Variants in AFG2B observed in about 807,000 individuals in gnomAD.
The protein encoded by AFG2B is ATPase family gene 2 protein homolog B.
At chr15:45,402,363 G>A in the AFG2B span, 5 of 1,550,296 alleles carry the variant, frequency 3.2e-6, no homozygotes, top group South Asian at 1.2e-5. Context: ...CGAGCTCGGT[G>A]TTCCGCTTTT....
At chr15:45,415,535 A>G in the AFG2B span, 1 of 1,449,262 alleles carries the variant, frequency 6.9e-7, no homozygotes, top group Non-Finnish European at 9.5e-7. Context: ...TAGTAATATC[A>G]CATGACTAAT....
At chr15:45,418,383 A>G in the AFG2B span, among the ~76,000 whole-genome samples, 3 of 150,006 alleles carry the variant, frequency 2.0e-5, no homozygotes, top group South Asian at 6.4e-4. Flanking sequence ...GTTTTTTATG[A>G]TGTCGTTATT....
At chr15:45,403,609 G>T in the AFG2B span, 16 of 1,526,640 alleles carry the variant, frequency 1.0e-5, no homozygotes, top group Non-Finnish European at 1.3e-5. Flanking sequence ...TGCCTCTTAG[G>T]TTTGAGCATC....
the AFG2B span, chr15:45,414,551 C>T: frequency 1.9e-6 from 3 of 1,608,316 alleles, no homozygotes; most frequent in South Asian, 2.2e-5. Context: ...AACAACTCTT[C>T]TCTTTTTGTG....
At chr15:45,411,328 T>A in the AFG2B span, among the ~76,000 whole-genome samples, 1 of 152,072 alleles carries the variant, frequency 6.6e-6, no homozygotes, top group Non-Finnish European at 1.5e-5. Context: ...TTTAAAAAAA[T>A]TATTTTGACA....
chr15:45,411,474 C>T, the AFG2B span, among the ~76,000 whole-genome samples: 1 of 152,110 alleles, frequency 6.6e-6, no homozygotes, highest in Non-Finnish European at 1.5e-5. Flanking sequence ...CATACCACCA[C>T]GCCTGGCTAA....
the AFG2B span, chr15:45,415,889 G>A: frequency 1.0e-6 from 1 of 995,280 alleles, no homozygotes; most frequent in Non-Finnish European, 1.4e-6. Flanking sequence ...TACCTATGCT[G>A]AATTCATCTC....
chr15:45,405,756 C>T, the AFG2B span, among the ~76,000 whole-genome samples: 3 of 152,212 alleles, frequency 2.0e-5, no homozygotes, highest in South Asian at 6.2e-4. Flanking sequence ...AGTGCTGAAG[C>T]CCAGAGCAGC....
chr15:45,409,953 C>T, the AFG2B span, among the ~76,000 whole-genome samples: 1 of 152,036 alleles, frequency 6.6e-6, no homozygotes, highest in Non-Finnish European at 1.5e-5. Flanking sequence ...GATGACCTAA[C>T]GTTTGTCAGA....
chr15:45,408,536 G>A, the AFG2B span, among the ~76,000 whole-genome samples: 1 of 152,328 alleles, frequency 6.6e-6, no homozygotes, highest in South Asian at 2.1e-4. Flanking sequence ...ACAGTATGGT[G>A]ATGTATAGTG....
At chr15:45,412,683 A>C in the AFG2B span, among the ~76,000 whole-genome samples, 1 of 152,128 alleles carries the variant, frequency 6.6e-6, no homozygotes, top group Non-Finnish European at 1.5e-5. Flanking sequence ...GGCTGTACCA[A>C]ATAAAGGTGG....
the AFG2B span, chr15:45,417,612 G>T: frequency 2.1e-6 from 1 of 472,738 alleles, no homozygotes; most frequent in Non-Finnish European, 3.8e-6. Context: ...TATTTTTTGT[G>T]TTGTGGCAGA....
At chr15:45,421,214 T>C in the AFG2B span, 17 of 1,593,422 alleles carry the variant, frequency 1.1e-5, no homozygotes, top group South Asian at 3.4e-5. Context: ...TATTTAAAAA[T>C]CACCTTAAAC....
chr15:45,419,876 A>G, the AFG2B span, among the ~76,000 whole-genome samples: 1 of 151,580 alleles, frequency 6.6e-6, no homozygotes, highest in Non-Finnish European at 1.5e-5. Context: ...AAATTGTCCC[A>G]GCTACTCAGG....
chr15:45,402,857 C>T, the AFG2B span: 1 of 1,598,470 alleles, frequency 6.3e-7, no homozygotes, highest in Non-Finnish European at 8.5e-7. Flanking sequence ...AGAAACCGAC[C>T]GATCTCCCTG....
the AFG2B span, chr15:45,417,035 G>A: frequency 1.0e-5 from 4 of 389,318 alleles, no homozygotes; most frequent in Non-Finnish European, 1.4e-5. Context: ...CTCATATGGA[G>A]AATGTTTCTC....
At chr15:45,414,162 G>A in the AFG2B span, among the ~76,000 whole-genome samples, 1 of 152,220 alleles carries the variant, frequency 6.6e-6, no homozygotes, top group Non-Finnish European at 1.5e-5. Flanking sequence ...AGTTAGGAAA[G>A]ACTAACTCCA....
chr15:45,403,172 C>T, the AFG2B span: 1 of 1,464,214 alleles, frequency 6.8e-7, no homozygotes, highest in Non-Finnish European at 8.9e-7. Context: ...GTGGGCAAGA[C>T]CCAGCTGGTG....
the AFG2B span, among the ~76,000 whole-genome samples, chr15:45,406,510 A>G: frequency 1.3e-5 from 2 of 152,198 alleles, no homozygotes; most frequent in Non-Finnish European, 2.9e-5. Flanking sequence ...TTTGTCCTTG[A>G]TCTGCAGGTC....
Sources: allele counts gnomAD v4.1 joint callset (sites outside exome capture counted in the v4.1 genomes callset), GRCh38; gene constraint gnomAD v4.1.1; transcripts MANE v1.5; gene names NCBI Gene and HGNC (gene_info 2026-07-23, HGNC 2026-07-21).